GABRG3: variants seen among roughly 807,000 people sequenced by gnomAD.
GABRG3 encodes gamma-aminobutyric acid receptor subunit gamma-3.
Under a neutral mutation model 48.8 loss-of-function variants are expected in GABRG3, and 25 were observed. The ratio of observed to expected loss-of-function variants is 0.51; its 90% CI spans 0.37 to 0.72. GABRG3 has a LOEUF of 0.72. GABRG3 is among the 30% of genes least tolerant of loss of function. The pLI is 0.00. For missense variants in GABRG3, 394 were observed against 577.9 expected, an observed-to-expected ratio of 0.68 and a Z score of 3.26; for synonymous variants, 227 against 217.6, an observed-to-expected ratio of 1.04 and a Z score of -0.38.
At chr15:27,188,994 C>G (rs1400196337) in intron 3 of GABRG3, among the ~76,000 whole-genome samples, 5 of 152,152 alleles carry the variant, frequency 3.3e-5, no homozygotes, top group African/African-American at 1.2e-4. Flanking sequence ...AATCCTTTCC[C>G]CATTGCTTGT....
intron 3 of GABRG3, among the ~76,000 whole-genome samples, chr15:27,322,748 C>T (rs1893474637): frequency 6.6e-6 from 1 of 152,102 alleles, no homozygotes; most frequent in Non-Finnish European, 1.5e-5. Context: ...TTCTACACGC[C>T]CCGAGTCTAA....
At chr15:27,240,361 A>G (rs1890097274) in intron 3 of GABRG3, among the ~76,000 whole-genome samples, 1 of 152,178 alleles carries the variant, frequency 6.6e-6, no homozygotes, top group South Asian at 2.1e-4. Flanking sequence ...AAGACCAGTT[A>G]GAGAAGGTAG....
chr15:27,484,812 GC>G (rs1890182002), intron 6 of GABRG3, among the ~76,000 whole-genome samples: 1 of 152,126 alleles, frequency 6.6e-6, no homozygotes, highest in South Asian at 2.1e-4. Flanking sequence ...AATGGTCAAA[GC>G]TAAAAATGTG....
intron 3 of GABRG3, among the ~76,000 whole-genome samples, chr15:27,226,328 G>A (rs1171097766): frequency 6.6e-6 from 1 of 152,138 alleles, no homozygotes; most frequent in East Asian, 1.9e-4. Flanking sequence ...GTGCTCTCAG[G>A]GACTGAGCGT....
chr15:27,388,178 A>AGGTG (rs1418914272), intron 5 of GABRG3, among the ~76,000 whole-genome samples: 5 of 80,410 alleles, frequency 6.2e-5, no homozygotes, highest in Non-Finnish European at 1.1e-4. Flanking sequence ...AAGGAAGGAA[A>AGGTG]GGAGGGAGGG....
chr15:27,012,749 A>G (rs1895712714), intron 2 of GABRG3, among the ~76,000 whole-genome samples: 1 of 152,166 alleles, frequency 6.6e-6, no homozygotes, highest in East Asian at 1.9e-4. Context: ...TGATTAGTTT[A>G]CTTGTTTAAT....
intron 5 of GABRG3, among the ~76,000 whole-genome samples, chr15:27,419,961 T>TA (rs999400214): frequency 5.3e-5 from 8 of 152,096 alleles, no homozygotes; most frequent in Non-Finnish European, 8.8e-5. Flanking sequence ...TTTGATTTTT[T>TA]AAAAAAAATC....
At chr15:27,045,441 G>A (rs1314634387) in intron 3 of GABRG3, among the ~76,000 whole-genome samples, 1 of 152,260 alleles carries the variant, frequency 6.6e-6, no homozygotes, top group Non-Finnish European at 1.5e-5. Flanking sequence ...CAACCGAATA[G>A]TGTCCCTTTA....
chr15:27,509,555 A>C (rs1205700474), intron 6 of GABRG3, among the ~76,000 whole-genome samples: 1 of 152,002 alleles, frequency 6.6e-6, no homozygotes, highest in African/African-American at 2.4e-5. Context: ...TTTTTGTTTT[A>C]GATTGGCTAA....
chr15:27,070,192 C>T (rs188002591), intron 3 of GABRG3, among the ~76,000 whole-genome samples: 117 of 152,354 alleles, frequency 7.7e-4, no homozygotes, highest in African/African-American at 2.6e-3. Context: ...CCTTTTGCAA[C>T]AGCCTGAATG....
intron 3 of GABRG3, among the ~76,000 whole-genome samples, chr15:27,307,476 CATAGGT>C (rs1278612187): frequency 5.6e-5 from 1 of 17,876 alleles, no homozygotes; most frequent in Non-Finnish European, 1.5e-4. Flanking sequence ...TATATATAAA[CATAGGT>C]TTATAGGTTT....
intron 3 of GABRG3, among the ~76,000 whole-genome samples, chr15:27,152,831 A>G (rs1321657696): frequency 6.6e-6 from 1 of 151,468 alleles, no homozygotes; most frequent in African/African-American, 2.4e-5. Flanking sequence ...GTATAGTTTT[A>G]CATTTAAATC....
chr15:27,225,477 C>T (rs193121255), intron 3 of GABRG3, among the ~76,000 whole-genome samples: 71 of 152,194 alleles, frequency 4.7e-4, no homozygotes, highest in African/African-American at 1.7e-3. Flanking sequence ...CTTATAAAGT[C>T]GGAGTAAGTT....
At chr15:27,122,973 A>C (rs1375212264) in intron 3 of GABRG3, among the ~76,000 whole-genome samples, 1 of 152,206 alleles carries the variant, frequency 6.6e-6, no homozygotes. Flanking sequence ...GCCCACCTCT[A>C]GTAAGATGAA....
chr15:27,044,186 G>A lies in GABRG3; in HGVS notation c.270+17365G>A, dbSNP rs148421762. On this transcript the variant is annotated intron_variant, in intron 3 of 9. Coordinates refer to ENST00000615808, the MANE Select transcript of GABRG3 (RefSeq NM_033223.5). ...CAACACATCACTAGGCCCAGCCCTC[G>A]TGTGCTGGGAGGATATACTCAAAGC... Among the ~76,000 whole-genome samples the A allele has an allele frequency of 8.7e-4, 133 of 152,272 alleles. 1 individual carries two copies. Among genetic ancestry groups the A allele is most frequent in the African/African-American group, 2.9e-3 (122 of 41,554 alleles).
chr15:27,393,568 G>T (rs1887213111), intron 5 of GABRG3, among the ~76,000 whole-genome samples: 1 of 151,950 alleles, frequency 6.6e-6, no homozygotes, highest in Admixed American at 6.6e-5. Flanking sequence ...TTACATCATG[G>T]ATCATTCTAG....
At chr15:27,282,706 T>C (rs534015551) in intron 3 of GABRG3, among the ~76,000 whole-genome samples, 2 of 152,346 alleles carry the variant, frequency 1.3e-5, no homozygotes, top group Middle Eastern at 3.4e-3. Flanking sequence ...TTCTAATGTC[T>C]TGTCATCTGG....
In GABRG3 at chr15:27,215,640, A is replaced by C. The variant is rs1889222507; in HGVS notation, c.271-111169A>C. Among the ~76,000 whole-genome samples, 6 of 152,276 alleles carry C rather than the reference A, an allele frequency of 3.9e-5. No individual in the cohort carries two copies. The South Asian group carries it at 1.2e-3, about 32-fold the overall frequency. ...GCACCCGTTATTAAACACATTTGCA[A>C]AACTTGCATGGGAGGCTTGAAGTCC... On this transcript the variant is annotated intron_variant, in intron 3 of 9. Transcript: ENST00000615808.
chr15:27,050,070 T>C (rs1896431269), intron 3 of GABRG3, among the ~76,000 whole-genome samples: 1 of 152,158 alleles, frequency 6.6e-6, no homozygotes, highest in Admixed American at 6.5e-5. Context: ...AGCTTTTTGG[T>C]AGAGGAAGAA....
Sources: gnomAD v4.1 joint callset for allele counts (sites outside exome capture counted in the v4.1 genomes callset) on GRCh38, gnomAD v4.1.1 for gene constraint, MANE v1.5 for transcripts, NCBI Gene and HGNC (gene_info 2026-07-23, HGNC 2026-07-21) for gene names.